CLVS1: variants seen among roughly 807,000 people sequenced by gnomAD.
The protein encoded by CLVS1 is clavesin 1, also known as clavesin-1.
Under a neutral mutation model 33.1 loss-of-function variants are expected in CLVS1, and 10 were observed. That is an observed-to-expected ratio of 0.30 (90% CI 0.19 to 0.51). CLVS1 has a LOEUF of 0.51. Ranked by LOEUF, CLVS1 falls within the 20% of genes least tolerant of loss-of-function variation. The probability of loss-of-function intolerance (pLI) is 0.97; values close to 1 mark genes in which losing one functional copy is unlikely to be tolerated. For missense variants in CLVS1, 343 were observed against 433.4 expected, an observed-to-expected ratio of 0.79 and a Z score of 1.85; for synonymous variants, 163 against 166.1, an observed-to-expected ratio of 0.98 and a Z score of 0.14.
chr8:61,316,880 C>A (rs1189090458), intron 2 of CLVS1, among the ~76,000 whole-genome samples: 1 of 151,976 alleles, frequency 6.6e-6, no homozygotes, highest in African/African-American at 2.4e-5. Context: ...AATTTTCTCA[C>A]CTATAAAATA....
intron 5 of CLVS1, among the ~76,000 whole-genome samples, chr8:61,496,070 G>A (rs1007557746): frequency 1.3e-4 from 20 of 152,152 alleles, no homozygotes; most frequent in Admixed American, 5.2e-4. Context: ...TGAGTTGACT[G>A]TTTAGGGGCA....
chr8:61,090,079 T>C (rs1805206314), intron 1 of CLVS1, among the ~76,000 whole-genome samples: 1 of 152,258 alleles, frequency 6.6e-6, no homozygotes, highest in Non-Finnish European at 1.5e-5. Context: ...TCTTTAGTAG[T>C]CTTCAGCATC....
At chr8:61,026,212 G>A in the CLVS1 span, among the ~76,000 whole-genome samples, 2 of 152,128 alleles carry the variant, frequency 1.3e-5, no homozygotes, top group Admixed American at 1.3e-4. Context: ...ATACAGACAC[G>A]AGCAGAGGGA....
intron 1 of CLVS1, among the ~76,000 whole-genome samples, chr8:61,130,757 C>A (rs1806079103): frequency 6.6e-6 from 1 of 152,194 alleles, no homozygotes; most frequent in Non-Finnish European, 1.5e-5. Flanking sequence ...AGTAACCCCA[C>A]ACCCCTCTAC....
chr8:61,455,443 G>A (rs1817115371), intron 4 of CLVS1, among the ~76,000 whole-genome samples: 1 of 151,892 alleles, frequency 6.6e-6, no homozygotes, highest in Non-Finnish European at 1.5e-5. Flanking sequence ...CCACATATAA[G>A]TGTGATCATG....
intron 2 of CLVS1, among the ~76,000 whole-genome samples, chr8:61,257,246 C>T (rs544046374): frequency 6.6e-6 from 1 of 152,270 alleles, no homozygotes. Flanking sequence ...TTGCAGCAAC[C>T]AAATACTGAT....
At chr8:61,402,680 GAGTATATAATGTTGAATGATTC>G (rs1309305775) in intron 3 of CLVS1, among the ~76,000 whole-genome samples, 2 of 152,216 alleles carry the variant, frequency 1.3e-5, no homozygotes, top group African/African-American at 4.8e-5. Flanking sequence ...GCTAGATGGT[GAGTATATAATGTTGAATGATTC>G]AGAATCCATG....
the CLVS1 span, among the ~76,000 whole-genome samples, chr8:61,006,638 G>A: frequency 6.6e-6 from 1 of 152,272 alleles, no homozygotes; most frequent in South Asian, 2.1e-4. Flanking sequence ...CCATTTTCTA[G>A]CATCTATAAT....
rs147818429 is a variant in CLVS1, at chr8:61,126,567, A to G, written c.-242-5203A>G. The stretch of plus-strand genomic sequence containing the variant: ...ACTGATAATATTAAAGAAGCTTTAA[A>G]GTAAAATAATAAGGCAAGTTATACT... On this transcript the variant is annotated intron_variant, in intron 1 of 2. Transcript: ENST00000522621. 3.5e-3 allele frequency among the ~76,000 whole-genome samples: 534 copies of G among 152,368 alleles called. 4 individuals are homozygous for G. The highest frequency in any genetic ancestry group is 0.011 in the African/African-American group (472 of 41,586).
chr8:61,437,034 A>G (rs1816355087), intron 3 of CLVS1, among the ~76,000 whole-genome samples: 1 of 152,226 alleles, frequency 6.6e-6, no homozygotes, highest in Admixed American at 6.5e-5. Flanking sequence ...AGCCCAAAGA[A>G]CAGATAATAG....
At chr8:61,232,341 A>G (rs1312614351) in intron 2 of CLVS1, among the ~76,000 whole-genome samples, 3 of 151,936 alleles carry the variant, frequency 2.0e-5, no homozygotes, top group Non-Finnish European at 4.4e-5. Flanking sequence ...TGGCCGAGGA[A>G]AGTTTTAGGA....
At chr8:61,116,279 T>G (rs1295091615) in intron 1 of CLVS1, among the ~76,000 whole-genome samples, 1 of 152,118 alleles carries the variant, frequency 6.6e-6, no homozygotes, top group Non-Finnish European at 1.5e-5. Context: ...TATTAGCCCT[T>G]TGTCAGATGA....
At chr8:61,391,217 C>G (rs1053353479) in intron 3 of CLVS1, 8 of 152,184 alleles carry the variant, frequency 5.3e-5, no homozygotes, top group Non-Finnish European at 1.0e-4. Flanking sequence ...TGAGAAATGT[C>G]AGCCAATCTT....
chr8:61,387,464 T>A (rs552102556), intron 3 of CLVS1, among the ~76,000 whole-genome samples: 55 of 114,750 alleles, frequency 4.8e-4, no homozygotes, highest in Non-Finnish European at 1.0e-3. Flanking sequence ...ACTGTACAGT[T>A]CCTTTTTTTT....
At chr8:61,038,933 T>G in the CLVS1 span, among the ~76,000 whole-genome samples, 12 of 152,358 alleles carry the variant, frequency 7.9e-5, no homozygotes, top group East Asian at 2.3e-3. Flanking sequence ...CTGTTACTGT[T>G]GCTGATGTAA....
intron 3 of CLVS1, among the ~76,000 whole-genome samples, chr8:61,385,360 A>T (rs1001829108): frequency 1.5e-4 from 23 of 152,212 alleles, no homozygotes; most frequent in African/African-American, 5.3e-4. Flanking sequence ...ATTAGCAGAA[A>T]TAGAGACTAT....
At chr8:61,365,804 T>C (rs1813187727) in intron 2 of CLVS1, among the ~76,000 whole-genome samples, 1 of 151,850 alleles carries the variant, frequency 6.6e-6, no homozygotes, top group East Asian at 1.9e-4. Context: ...TTGTCCATCA[T>C]GAATTGTGAA....
At chr8:61,319,860 C>G (rs1257710859) in intron 2 of CLVS1, among the ~76,000 whole-genome samples, 1 of 152,014 alleles carries the variant, frequency 6.6e-6, no homozygotes, top group Non-Finnish European at 1.5e-5. Context: ...TTTCTTGAGT[C>G]TCAAACATAC....
At chr8:61,342,968 C>T (rs1371150552) in intron 2 of CLVS1, among the ~76,000 whole-genome samples, 2 of 152,214 alleles carry the variant, frequency 1.3e-5, no homozygotes, top group Non-Finnish European at 2.9e-5. Context: ...GAAACATGGA[C>T]ACAACATTTA....
Sources: gnomAD v4.1 joint callset for allele counts (sites outside exome capture counted in the v4.1 genomes callset) on GRCh38, gnomAD v4.1.1 for gene constraint, MANE v1.5 for transcripts, NCBI Gene and HGNC (gene_info 2026-07-23, HGNC 2026-07-21) for gene names.